The following CORO2A variants were observed in gnomAD, a reference collection of about 807,000 sequenced individuals.
CORO2A encodes the protein coronin 2A, also known as coronin-2A.
A neutral mutation model predicts 62.4 loss-of-function variants in CORO2A; 47 were observed. The observed-to-expected ratio is 0.75, with a 90% CI of 0.60 to 0.96. The LOEUF is 0.96. Ranked by LOEUF, CORO2A falls within the 40% of genes least tolerant of loss-of-function variation. The pLI is 0.00. For synonymous variants in CORO2A, 273 were observed against 268.9 expected, an observed-to-expected ratio of 1.02 and a Z score of -0.15; for missense variants, 610 against 684.1, an observed-to-expected ratio of 0.89 and a Z score of 1.21.
intron 2 of CORO2A, among the ~76,000 whole-genome samples, chr9:98,147,572 C>T (rs1240142377): frequency 1.3e-5 from 2 of 152,310 alleles, no homozygotes; most frequent in South Asian, 4.2e-4. Flanking sequence ...AGATCGGTAT[C>T]ACCTGGGAGG....
At chr9:98,159,829 C>T (rs947365846) in intron 1 of CORO2A, among the ~76,000 whole-genome samples, 1 of 151,996 alleles carries the variant, frequency 6.6e-6, no homozygotes, top group Non-Finnish European at 1.5e-5. Flanking sequence ...CAGGAGTGTC[C>T]AGCACAGTGT....
rs1827769581 is a variant in CORO2A at position 98,154,285 on chromosome 9, C to G, written c.201+3175G>C. On this transcript the variant is annotated intron_variant, in intron 2 of 11. Coordinates refer to ENST00000375077, the MANE Select transcript of CORO2A (RefSeq NM_052820.4). ...TCCTTGAAAGTTTTGTAGGATTTAC[C>G]TGTAAAACCATCTAGGCCTAGAGTC... is the stretch of plus-strand genomic sequence containing the variant. 3.7e-5 allele frequency among the ~76,000 whole-genome samples: 5 copies of G among 134,578 alleles called. 1 individual carries two copies. The Admixed American group carries it at 4.1e-4, about 11-fold the overall frequency. 88.3% of individuals were successfully genotyped at this position (134,578 alleles called of 152,430 possible). A position where few individuals can be genotyped will look rare whatever the true frequency, so the allele number is the denominator to read the frequency against.
At position 98,157,655 on chromosome 9, in the gene CORO2A, T is replaced by A. The variant is rs762009345; in HGVS notation, c.6A>T (p.Ser2=). 4 of 1,612,486 alleles carry A rather than the reference T, an allele frequency of 2.5e-6. No homozygotes were observed. The highest frequency in any genetic ancestry group is 2.7e-5 in the African/African-American group (2 of 74,886). The change falls in exon 2 of 12, where the codon TCA becomes TCT. Residue 2 remains serine (S), a synonymous_variant. Coordinates refer to ENST00000375077, the MANE Select transcript of CORO2A (RefSeq NM_052820.4). ...TGGAGCTCCGGTACTGGGGGTGCCA[T>A]GACATCTGCAGGAGACAAATGGGAC... The part of the protein sequence containing the change: M[S]WHPQYRSSKF...
chr9:98,138,069 T>G (rs1827512716), intron 2 of CORO2A, among the ~76,000 whole-genome samples: 1 of 152,196 alleles, frequency 6.6e-6, no homozygotes, highest in Non-Finnish European at 1.5e-5. Context: ...CTCAAAAGGT[T>G]AACCGGTTCC....
chr9:98,144,352 C>T (rs1827614056), intron 2 of CORO2A, among the ~76,000 whole-genome samples: 1 of 152,178 alleles, frequency 6.6e-6, no homozygotes, highest in Non-Finnish European at 1.5e-5. Context: ...GAGGCTGGGG[C>T]TCAGAGAGGT....
Position 98,185,587 on chromosome 9 carries a change from G to C in CORO2A, c.-1+6972C>G, listed in dbSNP as rs61002365. On this transcript the variant is annotated intron_variant, in intron 1 of 11. Transcript: ENST00000375077. ...CAGGCAGGTCTACCTGGTCAGCCAG[G>C]TGTGAAAGGGAGGTTGGCAGGAGGG... 1.4e-4 allele frequency among the ~76,000 whole-genome samples: 21 copies of C among 152,320 alleles called. No homozygotes were observed. The East Asian group carries it at 3.5e-3, about 25-fold the overall frequency.
intron 8 of CORO2A, 88 bp downstream of exon 8, chr9:98,129,706 C>T: frequency 1.0e-6 from 1 of 979,382 alleles, no homozygotes; most frequent in African/African-American, 1.6e-5. Flanking sequence ...TCCCCAGACC[C>T]CGCACTGAAG....
chr9:98,147,748 C>T (rs528212315), intron 2 of CORO2A, among the ~76,000 whole-genome samples: 1 of 152,208 alleles, frequency 6.6e-6, no homozygotes, highest in South Asian at 2.1e-4. Flanking sequence ...CATGCAACTA[C>T]CTTATGACTC....
At chr9:98,164,947 A>G (rs1171192670) in intron 1 of CORO2A, among the ~76,000 whole-genome samples, 2 of 151,566 alleles carry the variant, frequency 1.3e-5, no homozygotes, top group African/African-American at 4.9e-5. Flanking sequence ...CACCACTACC[A>G]CCACCACCAG....
chr9:98,167,892 G>C (rs73657109), intron 1 of CORO2A, among the ~76,000 whole-genome samples: 3,098 of 152,312 alleles, frequency 0.02, 75 homozygotes, highest in African/African-American at 0.056. Context: ...GGCTGCTGAT[G>C]GCTACTGAAA....
At chr9:98,168,553 G>A (rs189652591) in intron 1 of CORO2A, among the ~76,000 whole-genome samples, 1 of 152,326 alleles carries the variant, frequency 6.6e-6, no homozygotes, top group Admixed American at 6.5e-5. Flanking sequence ...TCTGAAGCCA[G>A]GCTGTTCAGT....
chr9:98,133,739 G>C (rs964876328), intron 4 of CORO2A, among the ~76,000 whole-genome samples: 1 of 152,096 alleles, frequency 6.6e-6, no homozygotes, highest in African/African-American at 2.4e-5. Context: ...GAGGGCCCAG[G>C]TTCCCTCAGT....
chr9:98,125,837 C>A (rs1475557045), intron 11 of CORO2A, among the ~76,000 whole-genome samples: 4 of 150,238 alleles, frequency 2.7e-5, no homozygotes, highest in African/African-American at 9.8e-5. Flanking sequence ...CCTGCCTCAG[C>A]CTCCAGAGTA....
At chr9:98,154,352 T>TATATAGATATATATATATAC (rs71369555) in intron 2 of CORO2A, among the ~76,000 whole-genome samples, 1 of 94,058 alleles carries the variant, frequency 1.1e-5, no homozygotes. Flanking sequence ...TATATATATA[T>TATATAGATATATATATATAC]ACACAAATAC....
chr9:98,134,228 C>G (rs914507329), intron 4 of CORO2A, among the ~76,000 whole-genome samples: 2 of 152,178 alleles, frequency 1.3e-5, no homozygotes, highest in Non-Finnish European at 2.9e-5. Context: ...TAGTGCAGGT[C>G]AGAGACTGAG....
At chr9:98,153,553 T>G (rs1279967782) in intron 2 of CORO2A, among the ~76,000 whole-genome samples, 3 of 151,840 alleles carry the variant, frequency 2.0e-5, no homozygotes, top group Non-Finnish European at 2.9e-5. Context: ...ACTACAGGTG[T>G]GTACCACTGT....
At chr9:98,190,007 C>T (rs1234285970) in intron 1 of CORO2A, among the ~76,000 whole-genome samples, 1 of 152,102 alleles carries the variant, frequency 6.6e-6, no homozygotes, top group Non-Finnish European at 1.5e-5. Flanking sequence ...GCCTCAGCCT[C>T]CCGAGTAGCT....
At chr9:98,175,521 G>A (rs952145940) in intron 1 of CORO2A, among the ~76,000 whole-genome samples, 5 of 152,210 alleles carry the variant, frequency 3.3e-5, no homozygotes, top group African/African-American at 1.2e-4. Flanking sequence ...TTTGCTGTGC[G>A]ATGCTGTGAA....
At chr9:98,159,520 T>C (rs1350269952) in intron 1 of CORO2A, among the ~76,000 whole-genome samples, 1 of 151,624 alleles carries the variant, frequency 6.6e-6, no homozygotes, top group Non-Finnish European at 1.5e-5. Flanking sequence ...CTCTTGCATC[T>C]CCAGCCCTCT....
Sources: allele counts gnomAD v4.1 joint callset (sites outside exome capture counted in the v4.1 genomes callset), GRCh38; gene constraint gnomAD v4.1.1; transcripts MANE v1.5; gene names NCBI Gene and HGNC (gene_info 2026-07-23, HGNC 2026-07-21).